Variants in FXR1 observed in about 807,000 individuals in gnomAD.
FXR1 encodes RNA-binding protein FXR1.
In FXR1, 15 loss-of-function variants were observed where a neutral mutation model predicts 84.0. The observed-to-expected ratio is 0.18, with a 90% confidence interval of 0.12 to 0.27. The LOEUF (loss-of-function observed/expected upper bound fraction) is 0.27, where lower values mean the gene tolerates loss of function less well. Ranked by LOEUF, FXR1 falls within the 10% of genes least tolerant of loss-of-function variation. The probability of loss-of-function intolerance (pLI) is 1.00; values close to 1 mark genes in which losing one functional copy is unlikely to be tolerated. For synonymous variants in FXR1, 245 were observed against 250.7 expected, an observed-to-expected ratio of 0.98 and a Z score of 0.21; for missense variants, 480 against 774.4, an observed-to-expected ratio of 0.62 and a Z score of 4.51.
At chr3:180,926,811 G>T (rs1719283785) in intron 1 of FXR1, among the ~76,000 whole-genome samples, 2 of 151,850 alleles carry the variant, frequency 1.3e-5, no homozygotes, top group South Asian at 4.2e-4. Context: ...TGGTAGGAAG[G>T]CATCAGTGGG....
intron 3 of FXR1, among the ~76,000 whole-genome samples, chr3:180,944,311 A>G (rs1721453847): frequency 6.7e-6 from 1 of 149,590 alleles, no homozygotes; most frequent in Non-Finnish European, 1.5e-5. Flanking sequence ...AAGGGTAGTA[A>G]GGTCGTTATT....
At chr3:180,965,812 G>A (rs1348199874) in intron 13 of FXR1, among the ~76,000 whole-genome samples, 1 of 152,032 alleles carries the variant, frequency 6.6e-6, no homozygotes, top group Non-Finnish European at 1.5e-5. Flanking sequence ...TGGGGGGTAC[G>A]GCCTCAATAT....
rs535227958 is a variant in FXR1, at chr3:180,933,065, C to T, written c.52-269C>T. On this transcript the variant is annotated intron_variant, in intron 1 of 16. Transcript: ENST00000357559. The stretch of plus-strand genomic sequence containing the variant: ...AATACTAAATAACTGCCTTGCTGAA[C>T]TAATACCTGAGGTGTTCCAGGGATG... The T allele has an allele frequency of 1.6e-5, 6 of 375,720 alleles. No individual in the cohort carries two copies. In the East Asian group the frequency reaches 2.8e-4, roughly 17 times the overall value. The allele number at this position is 375,720 out of a possible 1,614,324, so 23.3% of individuals were successfully genotyped here. A position where few individuals can be genotyped will look rare whatever the true frequency, so the allele number is the denominator to read the frequency against.
chr3:180,948,238 C>T, intron 4 of FXR1, 109 bp from the exon 5 acceptor site: 1 of 738,108 alleles, frequency 1.4e-6, no homozygotes, highest in East Asian at 2.6e-5. Context: ...TATTTTATGC[C>T]ACATGGGGGA....
chr3:180,961,331 C>A (rs1384785649), intron 10 of FXR1, 137 bp from the exon 11 acceptor site: 3 of 501,128 alleles, frequency 6.0e-6, no homozygotes, highest in Non-Finnish European at 1.0e-5. Flanking sequence ...CAGAGCAAGA[C>A]GTCATCTCAA....
At chr3:180,970,383 A>AAT (rs56345724) in intron 15 of FXR1, 25 bp downstream of exon 15, 12,039 of 367,584 alleles carry the variant, frequency 0.033, 571 homozygotes, top group African/African-American at 0.094. Context: ...AGGGAAGAGA[A>AAT]ATATATATAT....
intron 16 of FXR1, 61 bp downstream of exon 16, chr3:180,975,465 AT>A: frequency 4.7e-6 from 3 of 633,866 alleles, no homozygotes; most frequent in South Asian, 2.0e-5. Context: ...GTTTAGCTTT[AT>A]TTTTTTACTA....
chr3:180,925,641 C>T (rs930838766), intron 1 of FXR1, among the ~76,000 whole-genome samples: 3 of 152,164 alleles, frequency 2.0e-5, no homozygotes, highest in African/African-American at 7.2e-5. Flanking sequence ...ATGTGGCTAT[C>T]AGCTATTCCA....
intron 13 of FXR1, among the ~76,000 whole-genome samples, chr3:180,966,678 T>C (rs1239342231): frequency 6.6e-6 from 1 of 152,142 alleles, no homozygotes; most frequent in Non-Finnish European, 1.5e-5. Context: ...TTTGAAGTAA[T>C]TCCACAGGGG....
At chr3:180,957,012 A>C (rs901104485) in intron 9 of FXR1, among the ~76,000 whole-genome samples, 1 of 152,216 alleles carries the variant, frequency 6.6e-6, no homozygotes, top group Non-Finnish European at 1.5e-5. Flanking sequence ...CATCGGTTCC[A>C]TATGGTGAAG....
At chr3:180,936,184 G>A (rs994370015) in intron 3 of FXR1, among the ~76,000 whole-genome samples, 1 of 149,180 alleles carries the variant, frequency 6.7e-6, no homozygotes, top group East Asian at 2.0e-4. Context: ...GAGCCACCGC[G>A]CCTAGCCATT....
chr3:180,916,327 G>A (rs1252118892), intron 1 of FXR1, among the ~76,000 whole-genome samples: 1 of 152,216 alleles, frequency 6.6e-6, no homozygotes, highest in African/African-American at 2.4e-5. Flanking sequence ...TTTAACTGAT[G>A]TATAAATATA....
chr3:180,971,615 T>A (rs1713598111), intron 15 of FXR1: 2 of 152,556 alleles, frequency 1.3e-5, no homozygotes, highest in Non-Finnish European at 2.9e-5. Flanking sequence ...AAGAGAAAAA[T>A]ATTTGAAGGT....
At chr3:180,960,855 A>T (rs1046370846) in intron 10 of FXR1, among the ~76,000 whole-genome samples, 3 of 152,210 alleles carry the variant, frequency 2.0e-5, no homozygotes, top group South Asian at 2.1e-4. Context: ...CTGATTTTTT[A>T]AAATTATTTT....
At chr3:180,915,385 T>C in intron 1 of FXR1, 1 of 669,676 alleles carries the variant, frequency 1.5e-6, no homozygotes, top group South Asian at 2.0e-5. Context: ...TCTGTCCCCA[T>C]AGTTTTTCTT....
Position 180,948,773 on chromosome 3 carries a change from A to C in FXR1, c.472A>C (p.Arg158=), listed in dbSNP as rs765529804. ...KDFKKAVGAC[R]IFYHPETTQL... ...TTTTAAGAAAGCAGTAGGAGCATGC[A>C]GAATTTTTTACCATCCAGAAACAAC... Residue 158 remains arginine, a synonymous_variant, in exon 6 of 17, where the codon AGA becomes CGA. Coordinates refer to ENST00000357559, the MANE Select transcript of FXR1 (RefSeq NM_005087.4). 1 of 1,578,904 alleles carries C rather than the reference A, an allele frequency of 6.3e-7. No homozygotes were observed. Among genetic ancestry groups the C allele is most frequent in the Admixed American group, 1.7e-5 (1 of 59,972 alleles).
chr3:180,957,753 C>A, intron 9 of FXR1, 66 bp from the exon 10 acceptor site: 1 of 708,204 alleles, frequency 1.4e-6, no homozygotes, highest in Non-Finnish European at 2.5e-6. Flanking sequence ...ATAATTGGGG[C>A]TGACACTGAA....
intron 3 of FXR1, among the ~76,000 whole-genome samples, chr3:180,947,261 T>C (rs898539400): frequency 1.3e-5 from 2 of 152,142 alleles, no homozygotes; most frequent in Non-Finnish European, 1.5e-5. Context: ...TGGTCAGCCT[T>C]GTCTCGAACT....
intron 13 of FXR1, among the ~76,000 whole-genome samples, chr3:180,966,830 T>A (rs1216966069): frequency 6.6e-6 from 1 of 152,084 alleles, no homozygotes; most frequent in Non-Finnish European, 1.5e-5. Context: ...TTTGGTCATA[T>A]AAGAGGGAAA....
Sources: allele counts gnomAD v4.1 joint callset (sites outside exome capture counted in the v4.1 genomes callset), GRCh38; gene constraint gnomAD v4.1.1; transcripts MANE v1.5; gene names NCBI Gene and HGNC (gene_info 2026-07-23, HGNC 2026-07-21).